Variants in KANK1 observed in about 807,000 individuals in gnomAD.
KANK1 encodes the protein KN motif and ankyrin repeat domain-containing protein 1.
A neutral mutation model predicts 106.2 loss-of-function variants in KANK1; 109 were observed. That is an observed-to-expected ratio of 1.03 (90% CI 0.88 to 1.20). The LOEUF is 1.20. Among genes scored for constraint, KANK1 ranks in the 50% most tolerant of loss-of-function variants. The pLI, the probability that KANK1 is intolerant of heterozygous loss-of-function variation, is 0.00. For missense variants in KANK1, 2,399 were observed against 1,710.7 expected, an observed-to-expected ratio of 1.40 and a Z score of -7.10; for synonymous variants, 873 against 652.2, an observed-to-expected ratio of 1.34 and a Z score of -5.16.
At chr9:495,365 A>G (rs961827125) in intron 3 of KANK1, 3 of 152,216 alleles carry the variant, frequency 2.0e-5, no homozygotes, top group Non-Finnish European at 4.4e-5. Flanking sequence ...TCAATCAAAT[A>G]CAGCCTTCAA....
At chr9:710,251 TA>T (rs1415125851) in intron 2 of KANK1, among the ~76,000 whole-genome samples, 1 of 152,220 alleles carries the variant, frequency 6.6e-6, no homozygotes, top group African/African-American at 2.4e-5. Context: ...ACATTGTTTT[TA>T]AGCCTGTGAG....
chr9:556,052 AAG>A (rs984211450), intron 1 of KANK1, among the ~76,000 whole-genome samples: 3 of 152,120 alleles, frequency 2.0e-5, no homozygotes, highest in Admixed American at 2.0e-4. Context: ...GTGGGGTACT[AAG>A]TTGTAGTTCT....
intron 1 of KANK1, among the ~76,000 whole-genome samples, chr9:560,418 A>G (rs1263209577): frequency 2.0e-5 from 3 of 152,166 alleles, no homozygotes; most frequent in African/African-American, 7.2e-5. Flanking sequence ...TCAGGGAACT[A>G]TTAAGGAAGA....
At chr9:511,064 G>T (rs1057493426) in intron 1 of KANK1, among the ~76,000 whole-genome samples, 1 of 152,086 alleles carries the variant, frequency 6.6e-6, no homozygotes, top group African/African-American at 2.4e-5. Context: ...GTATTAATAG[G>T]CAAAATGTTA....
At chr9:573,459 A>G (rs1819724953) in intron 1 of KANK1, among the ~76,000 whole-genome samples, 1 of 152,050 alleles carries the variant, frequency 6.6e-6, no homozygotes, top group South Asian at 2.1e-4. Flanking sequence ...TTTAGTAGAA[A>G]TAGGGTTTCA....
At chr9:528,284 A>C (rs1210023535) in intron 1 of KANK1, among the ~76,000 whole-genome samples, 1 of 151,918 alleles carries the variant, frequency 6.6e-6, no homozygotes, top group Non-Finnish European at 1.5e-5. Flanking sequence ...TTAAAAAATT[A>C]TATTTAGATA....
intron 1 of KANK1, among the ~76,000 whole-genome samples, chr9:618,694 C>T (rs1832449647): frequency 6.6e-6 from 1 of 152,004 alleles, no homozygotes. Context: ...TGATGAATGC[C>T]AGGGCTTGCT....
At chr9:539,828 T>A (rs944057250) in intron 1 of KANK1, among the ~76,000 whole-genome samples, 1 of 151,224 alleles carries the variant, frequency 6.6e-6, no homozygotes, top group African/African-American at 2.5e-5. Flanking sequence ...TCATTTTCTT[T>A]ATTTTTTAGA....
chr9:536,871 C>T (rs1031260178), intron 1 of KANK1, among the ~76,000 whole-genome samples: 6 of 152,280 alleles, frequency 3.9e-5, no homozygotes, highest in South Asian at 2.1e-4. Flanking sequence ...AGTTCGCAGT[C>T]GGCACCCCTT....
upstream of KANK1, among the ~76,000 whole-genome samples, chr9:504,457 C>T (rs1358459544): frequency 6.6e-6 from 1 of 151,634 alleles, no homozygotes; most frequent in Admixed American, 6.6e-5. Context: ...GTACAAAGAG[C>T]GCCCCCGCGG....
intron 1 of KANK1, among the ~76,000 whole-genome samples, chr9:668,905 G>C (rs976000964): frequency 6.6e-6 from 1 of 151,938 alleles, no homozygotes; most frequent in Non-Finnish European, 1.5e-5. Context: ...TTCACAATAG[G>C]GTTTGCACTC....
At chr9:632,471 A>G (rs945263771) in intron 1 of KANK1, among the ~76,000 whole-genome samples, 4 of 152,192 alleles carry the variant, frequency 2.6e-5, no homozygotes, top group Admixed American at 1.3e-4. Flanking sequence ...TGGAAAAGAT[A>G]ATTACTACAT....
In KANK1 at chr9:745,482, G is replaced by C. The variant is rs772134634; in HGVS notation, c.*247G>C. ...CAGTCTCTGTTGCTGTTGAGTCTCT[G>C]CTCCGTTTTGTACAGTCACAGGGAA... On this transcript the variant is annotated 3_prime_UTR_variant, in exon 12 of 12. Transcript: ENST00000382297. 1.7e-5 allele frequency: 7 copies of C among 413,562 alleles called. No homozygotes were observed. The highest frequency in any genetic ancestry group is 1.4e-4 in the African/African-American group (7 of 48,586). 25.6% of individuals were successfully genotyped at this position (413,562 alleles called of 1,614,324 possible).
chr9:666,764 A>G (rs945557796), intron 1 of KANK1, among the ~76,000 whole-genome samples: 11 of 152,150 alleles, frequency 7.2e-5, no homozygotes, highest in Non-Finnish European at 1.0e-4. Flanking sequence ...ATGCTGAACC[A>G]TCTTTGCATC....
At chr9:727,042 A>G (rs1277635195) in intron 3 of KANK1, among the ~76,000 whole-genome samples, 2 of 152,216 alleles carry the variant, frequency 1.3e-5, no homozygotes, top group Non-Finnish European at 2.9e-5. Flanking sequence ...AATACACATC[A>G]TGCTCATCTA....
intron 1 of KANK1, among the ~76,000 whole-genome samples, chr9:582,120 G>A (rs894521362): frequency 6.6e-6 from 1 of 152,176 alleles, no homozygotes; most frequent in Non-Finnish European, 1.5e-5. Context: ...TGCAAGAGGC[G>A]CTGCTTCTCT....
chr9:740,797 T>C lies in KANK1; in HGVS notation c.3559T>C (p.Cys1187Arg), dbSNP rs1835257614. The change falls in exon 9 of 12, where the codon TGT becomes CGT. Residue 1187 changes from cysteine to arginine, a missense_variant. Cys to Arg is a radical substitution (Grantham distance 180). Coordinates refer to ENST00000382297, the MANE Select transcript of KANK1 (RefSeq NM_015158.5). ...TTTTTTTTTTTTTTTTACAGATGTG[T>C]GTAATGTGGATCACCAGAACAAGGC... ...IVKLLLDADV[C>R]NVDHQNKAGY... The C allele has an allele frequency of 1.9e-6, 3 of 1,610,818 alleles. No homozygotes were observed. The highest frequency in any genetic ancestry group is 2.5e-6 in the Non-Finnish European group (3 of 1,179,150).
In KANK1 at chr9:543,469, G is replaced by A. The variant is rs958351233; in HGVS notation, c.-84+38715G>A. Reference sequence around the variant, plus strand: ...AGCTACTCGGGAGGCTGAGGCAGGAGAATTGCTTGAACCCAGGAAGTGGAG... The same window carrying A: ...AGCTACTCGGGAGGCTGAGGCAGGAAAATTGCTTGAACCCAGGAAGTGGAG... On this transcript the variant is annotated intron_variant, in intron 1 of 11. Coordinates refer to ENST00000382297, the MANE Select transcript of KANK1 (RefSeq NM_015158.5). Among the ~76,000 whole-genome samples the A allele has an allele frequency of 3.3e-5, 5 of 150,836 alleles. No individual in the cohort carries two copies. The South Asian group carries it at 1.0e-3, about 32-fold the overall frequency.
At chr9:714,045 C>T (rs1224366939) in intron 3 of KANK1, among the ~76,000 whole-genome samples, 1 of 151,936 alleles carries the variant, frequency 6.6e-6, no homozygotes, top group East Asian at 1.9e-4. Context: ...TTGAGACCAG[C>T]CTGGGCAACA....
Sources: gnomAD v4.1 joint callset for allele counts (sites outside exome capture counted in the v4.1 genomes callset) on GRCh38, gnomAD v4.1.1 for gene constraint, MANE v1.5 for transcripts, NCBI Gene and HGNC (gene_info 2026-07-23, HGNC 2026-07-21) for gene names.